Variants in DGKI observed in about 807,000 individuals in gnomAD.
DGKI encodes the protein diacylglycerol kinase iota.
DGKI carries 55 observed loss-of-function variants against 147.5 expected under a neutral mutation model. That is an observed-to-expected ratio of 0.37 (90% CI 0.30 to 0.47). The LOEUF (loss-of-function observed/expected upper bound fraction) is 0.47, where lower values mean the gene tolerates loss of function less well. DGKI is among the 20% of genes least tolerant of loss of function. The pLI, the probability that DGKI is intolerant of heterozygous loss-of-function variation, is 1.00. For missense variants in DGKI, 1,007 were observed against 1,323.8 expected (o/e 0.76, Z 3.71); for synonymous variants, 469 against 477.1 (o/e 0.98, Z 0.22).
At chr7:137,833,136 A>G (rs1798266164) in intron 1 of DGKI, among the ~76,000 whole-genome samples, 1 of 151,914 alleles carries the variant, frequency 6.6e-6, no homozygotes, top group Non-Finnish European at 1.5e-5. Context: ...AACTGTTTCA[A>G]CCTCTGCCTG....
intron 29 of DGKI, among the ~76,000 whole-genome samples, chr7:137,411,075 A>T (rs1039884352): frequency 1.3e-5 from 2 of 152,212 alleles, no homozygotes; most frequent in African/African-American, 4.8e-5. Flanking sequence ...TGTCCAACAG[A>T]TGCGCCTAAA....
intron 23 of DGKI, among the ~76,000 whole-genome samples, chr7:137,472,495 G>A (rs1054069793): frequency 3.5e-5 from 5 of 141,906 alleles, no homozygotes; most frequent in East Asian, 4.1e-4. Context: ...ATATATACAC[G>A]TGTATATATT....
chr7:137,548,988 A>T (rs1817956914), intron 20 of DGKI, among the ~76,000 whole-genome samples: 1 of 152,152 alleles, frequency 6.6e-6, no homozygotes, highest in Non-Finnish European at 1.5e-5. Flanking sequence ...ATATAAATAA[A>T]TAAATTATCC....
At chr7:137,407,651 T>C (rs1427514091) in intron 30 of DGKI, among the ~76,000 whole-genome samples, 4 of 152,084 alleles carry the variant, frequency 2.6e-5, no homozygotes, top group Non-Finnish European at 4.4e-5. Flanking sequence ...GTAAAGAGCT[T>C]GGTATGAACA....
intron 6 of DGKI, among the ~76,000 whole-genome samples, chr7:137,643,628 C>T (rs557199913): frequency 4.6e-5 from 7 of 152,234 alleles, no homozygotes; most frequent in South Asian, 2.1e-4. Flanking sequence ...TCCCCACTGA[C>T]GACGGACGTG....
intron 8 of DGKI, among the ~76,000 whole-genome samples, chr7:137,613,250 A>G (rs1390308471): frequency 6.6e-6 from 1 of 152,126 alleles, no homozygotes; most frequent in African/African-American, 2.4e-5. Flanking sequence ...TATACTGGAC[A>G]AAACTCTGGT....
At chr7:137,591,239 G>A (rs1162456104) in intron 12 of DGKI, among the ~76,000 whole-genome samples, 5 of 152,104 alleles carry the variant, frequency 3.3e-5, no homozygotes, top group Admixed American at 1.3e-4. Flanking sequence ...TTTATGAACC[G>A]GATAAATAGA....
chr7:137,459,567 C>T (rs566359446), intron 27 of DGKI, among the ~76,000 whole-genome samples: 48 of 150,552 alleles, frequency 3.2e-4, no homozygotes, highest in Non-Finnish European at 4.9e-4. Flanking sequence ...CTCCGCCTCC[C>T]GGGTTCACGC....
chr7:137,830,797 G>A (rs184261915), intron 1 of DGKI, among the ~76,000 whole-genome samples: 1 of 152,246 alleles, frequency 6.6e-6, no homozygotes, highest in African/African-American at 2.4e-5. Context: ...AAAAATTAAG[G>A]AGTCAGTTTC....
At chr7:137,430,872 T>A (rs1390113770) in intron 28 of DGKI, among the ~76,000 whole-genome samples, 1 of 151,978 alleles carries the variant, frequency 6.6e-6, no homozygotes, top group Non-Finnish European at 1.5e-5. Flanking sequence ...GAAAATGAGA[T>A]GCTGAGAGAA....
At chr7:137,416,935 A>G (rs1004606867) in intron 28 of DGKI, among the ~76,000 whole-genome samples, 1 of 152,294 alleles carries the variant, frequency 6.6e-6, no homozygotes, top group Admixed American at 6.5e-5. Context: ...AAGGGTAGCT[A>G]TTATGCAAAC....
At chr7:137,724,188 G>A (rs1251185299) in intron 1 of DGKI, among the ~76,000 whole-genome samples, 1 of 152,174 alleles carries the variant, frequency 6.6e-6, no homozygotes, top group Non-Finnish European at 1.5e-5. Flanking sequence ...CAGAAAGTGG[G>A]TGAGGTTGGA....
At chr7:137,755,611 A>C (rs1795654874) in intron 1 of DGKI, among the ~76,000 whole-genome samples, 1 of 152,182 alleles carries the variant, frequency 6.6e-6, no homozygotes, top group Admixed American at 6.5e-5. Flanking sequence ...AAATCTTGTA[A>C]CTGCCAATCC....
chr7:137,689,516 C>T (rs1488064422), intron 2 of DGKI, among the ~76,000 whole-genome samples: 1 of 152,132 alleles, frequency 6.6e-6, no homozygotes, highest in Non-Finnish European at 1.5e-5. Context: ...AAAAAGCACC[C>T]AGAAAAACTC....
At chr7:137,570,418 T>G (rs921400056) in intron 19 of DGKI, among the ~76,000 whole-genome samples, 1 of 152,186 alleles carries the variant, frequency 6.6e-6, no homozygotes, top group Non-Finnish European at 1.5e-5. Flanking sequence ...TAATGATGTC[T>G]TTGTATATTC....
At chr7:137,572,916 A>G (rs1818841867) in intron 17 of DGKI, 78 bp from the exon 18 acceptor site, 3 of 977,342 alleles carry the variant, frequency 3.1e-6, no homozygotes, top group East Asian at 4.8e-5. Context: ...TAGTTTGACA[A>G]TAGTACACAC....
chr7:137,416,112 GAGAA>G (rs1812352168), intron 28 of DGKI, among the ~76,000 whole-genome samples: 1 of 152,020 alleles, frequency 6.6e-6, no homozygotes, highest in Admixed American at 6.6e-5. Flanking sequence ...AGAAAGAAAG[GAGAA>G]AGGAGACAGA....
chr7:137,818,643 A>G (rs1797807600), intron 1 of DGKI, among the ~76,000 whole-genome samples: 1 of 152,000 alleles, frequency 6.6e-6, no homozygotes, highest in African/African-American at 2.4e-5. Context: ...GGGTTTCACC[A>G]TGTTGGTCAG....
At chr7:137,659,703 C>A (rs545368373) in intron 3 of DGKI, among the ~76,000 whole-genome samples, 1 of 152,136 alleles carries the variant, frequency 6.6e-6, no homozygotes, top group East Asian at 1.9e-4. Context: ...GAGGCTGAGG[C>A]GGGCGGATCA....
Sources: gnomAD v4.1 joint callset for allele counts (sites outside exome capture counted in the v4.1 genomes callset) on GRCh38, gnomAD v4.1.1 for gene constraint, MANE v1.5 for transcripts, NCBI Gene and HGNC (gene_info 2026-07-23, HGNC 2026-07-21) for gene names.